LIMK1: variants seen among roughly 807,000 people sequenced by gnomAD.
LIMK1 encodes the protein LIM motif-containing protein kinase.
In LIMK1, 21 loss-of-function variants were observed where a neutral mutation model predicts 77.6. The observed-to-expected ratio is 0.27, with a 90% CI of 0.19 to 0.39. The LOEUF (loss-of-function observed/expected upper bound fraction) is 0.39, where lower values mean the gene tolerates loss of function less well. Among genes scored for constraint, LIMK1 ranks in the 10% least tolerant of loss-of-function variants. The pLI, the probability that LIMK1 is intolerant of heterozygous loss-of-function variation, is 1.00. For missense variants in LIMK1, 696 were observed against 901.6 expected, an observed-to-expected ratio of 0.77 and a Z score of 2.92; for synonymous variants, 358 against 370.0, an observed-to-expected ratio of 0.97 and a Z score of 0.37.
At chr7:74,111,889 C>A in intron 11 of LIMK1, 44 bp from the exon 12 acceptor site, 4 of 1,557,814 alleles carry the variant, frequency 2.6e-6, no homozygotes, top group African/African-American at 2.7e-5. Context: ...GGGCTGGGGT[C>A]CCTCTGCACA....
chr7:74,119,685 A>T (rs540406602), intron 13 of LIMK1, among the ~76,000 whole-genome samples: 1 of 151,622 alleles, frequency 6.6e-6, no homozygotes, highest in East Asian at 2.0e-4. Flanking sequence ...AGGCGGGCAG[A>T]TCACTGGAGG....
At chr7:74,113,171 C>T (rs925244952) in intron 12 of LIMK1, among the ~76,000 whole-genome samples, 2 of 151,564 alleles carry the variant, frequency 1.3e-5, no homozygotes, top group Admixed American at 6.6e-5. Context: ...AAATACAAAA[C>T]GGAATAGCCA....
At chr7:74,119,459 G>A (rs148357894) in intron 13 of LIMK1, among the ~76,000 whole-genome samples, 1 of 151,670 alleles carries the variant, frequency 6.6e-6, no homozygotes, top group African/African-American at 2.4e-5. Flanking sequence ...GATTACAGGT[G>A]TGAACCACTG....
At position 74,120,643 on chromosome 7, in the gene LIMK1, G is replaced by A; in HGVS notation, c.1623+5G>A. The A allele has an allele frequency of 6.2e-7, 1 of 1,614,216 alleles. No homozygotes were observed. The highest frequency in any genetic ancestry group is 1.1e-5 in the South Asian group (1 of 91,090). Reference sequence around the variant, plus strand: ...TTTGGGATCGTCCTGTGCGAGGTAGGTCCAGGGTTGGGTAGCAGCGGTGTT... The same window carrying A: ...TTTGGGATCGTCCTGTGCGAGGTAGATCCAGGGTTGGGTAGCAGCGGTGTT... On this transcript the variant is annotated splice_donor_5th_base_variant and intron_variant, in intron 14 of 15. Transcript: ENST00000336180.
At position 74,096,537 on chromosome 7, in the gene LIMK1, CA is replaced by C; in HGVS notation, c.153-82del. ...AAAAGAAAACTTGTTCTAATTCTTA[CA>C]AAGGTGCCTGTAGCCGAGGCAGGGG... On this transcript the variant is annotated intron_variant, in intron 2 of 15. Coordinates refer to ENST00000336180, the MANE Select transcript of LIMK1 (RefSeq NM_002314.4). The C allele has an allele frequency of 4.5e-6, 7 of 1,551,738 alleles. No homozygotes were observed. In the South Asian group the frequency reaches 7.9e-5, roughly 18 times the overall value.
chr7:74,102,482 C>CTTTTTTTTTTTTTTTTTTTTTTTT (rs782517343), intron 5 of LIMK1, among the ~76,000 whole-genome samples: 8 of 25,662 alleles, frequency 3.1e-4, no homozygotes, highest in South Asian at 1.8e-3. Context: ...GAAGGACCTT[C>CTTTTTTTTTTTTTTTTTTTTTTTT]TCTTTTTTTT....
At chr7:74,105,036 A>G (rs142139878) in intron 5 of LIMK1, among the ~76,000 whole-genome samples, 10 of 152,038 alleles carry the variant, frequency 6.6e-5, no homozygotes, top group African/African-American at 2.4e-4. Flanking sequence ...ACTCACTGCA[A>G]CCTCCACCTC....
At chr7:74,111,129 G>C (rs1274920431) in intron 10 of LIMK1, 1 of 156,060 alleles carries the variant, frequency 6.4e-6, no homozygotes, top group East Asian at 1.9e-4. Flanking sequence ...CCAGCTACTT[G>C]GGAGGCTGAG....
In LIMK1 at chr7:74,101,063, G is replaced by A. The variant is rs560681829; in HGVS notation, c.608+1825G>A. Reference sequence around the variant, plus strand: ...TACCAAGTGCTAGCTTTCATTTGACGCAGTGAATGTTTCTTGTACACCTGG... The same window carrying A: ...TACCAAGTGCTAGCTTTCATTTGACACAGTGAATGTTTCTTGTACACCTGG... On this transcript the variant is annotated intron_variant, in intron 5 of 15. Coordinates refer to ENST00000336180, the MANE Select transcript of LIMK1 (RefSeq NM_002314.4). Among the ~76,000 whole-genome samples the A allele has an allele frequency of 5.3e-5, 8 of 152,222 alleles. No individual in the cohort carries two copies. In the South Asian group the frequency reaches 8.3e-4, roughly 16 times the overall value.
rs1554699364 is a variant in LIMK1 at position 74,115,839 on chromosome 7, G to A, written c.1448G>A (p.Arg483His). The A allele has an allele frequency of 1.9e-6, 3 of 1,614,136 alleles. No homozygotes were observed. The highest frequency in any genetic ancestry group is 1.1e-5 in the South Asian group (1 of 91,088). The change falls in exon 13 of 16, where the codon CGT becomes CAT. Residue 483 changes from arginine (R) to histidine (H), a missense_variant. By Grantham distance (29) the Arg-to-His change is conservative (BLOSUM62 0). Around this residue, in one of 3 missense-constraint regions of LIMK1, gnomAD observed 438 missense variants for 602.3 expected, o/e 0.73. Transcript: ENST00000336180. ...GTGGTGGCTGACTTCGGGCTGGCGC[G>A]TCTCATGGTGGACGAGAAGACTCAG... is the stretch of plus-strand genomic sequence containing the variant. ...NVVVADFGLARLMVDEKTQPE... is the reference protein window; with the variant it reads ...NVVVADFGLAHLMVDEKTQPE...
Position 74,121,014 on chromosome 7 carries a change from C to T in LIMK1, c.1746C>T (p.Ile582=). The part of the protein sequence containing the change: ...PPNCPPSFFP[I]TVRCCDLDPE... Reference sequence around the variant, plus strand: ...ACTGCCCCCCGAGCTTCTTCCCCATCACCGTGCGCTGTTGCGATCTGGACC... The same window carrying T: ...ACTGCCCCCCGAGCTTCTTCCCCATTACCGTGCGCTGTTGCGATCTGGACC... Residue 582 remains isoleucine, a synonymous_variant, in exon 15 of 16, where the codon ATC becomes ATT. Transcript: ENST00000336180. 2 of 1,607,460 alleles carry T rather than the reference C, an allele frequency of 1.2e-6. No individual in the cohort carries two copies. Among genetic ancestry groups the T allele is most frequent in the Non-Finnish European group, 1.7e-6 (2 of 1,176,942 alleles).
chr7:74,105,061 T>C (rs1220775582), intron 5 of LIMK1, among the ~76,000 whole-genome samples: 1 of 152,078 alleles, frequency 6.6e-6, no homozygotes, highest in African/African-American at 2.4e-5. Flanking sequence ...GTTCAAGCAA[T>C]TCCTGCCTCA....
At position 74,085,788 on chromosome 7, in the gene LIMK1, C is replaced by G. The variant is rs782173029; in HGVS notation, c.96C>G (p.Ile32Met). 6.4e-7 allele frequency: 1 copy of G among 1,564,512 alleles called. No individual in the cohort carries two copies. Residue 32 changes from isoleucine to methionine, a missense_variant, in exon 2 of 16, where the codon ATC (isoleucine) becomes ATG (methionine). By Grantham distance (10) the Ile-to-Met change is conservative. This residue lies in a region of LIMK1 where 252 missense variants were observed against 279.4 expected (regional missense o/e 0.90). Transcript: ENST00000336180. ...TGTGTGCAAGCTGCGGCCAGAGGAT[C>G]TATGATGGCCAGTACCTCCAGGCCC... ...LPVCASCGQRIYDGQYLQALN... is the reference protein window; with the variant it reads ...LPVCASCGQRMYDGQYLQALN...
chr7:74,091,278 C>T (rs919912136), intron 2 of LIMK1, among the ~76,000 whole-genome samples: 3 of 152,056 alleles, frequency 2.0e-5, no homozygotes, highest in African/African-American at 7.2e-5. Context: ...AATCCCAGCA[C>T]TTTGGGAGGC....
intron 2 of LIMK1, among the ~76,000 whole-genome samples, chr7:74,089,041 C>T (rs1799189688): frequency 6.6e-6 from 1 of 152,148 alleles, no homozygotes; most frequent in Admixed American, 6.6e-5. Flanking sequence ...TATTGGCTAC[C>T]ATGCATTGAG....
rs887942799 is a variant in LIMK1, at chr7:74,122,249, C to T, written c.*948C>T. On this transcript the variant is annotated 3_prime_UTR_variant, in exon 16 of 16. Coordinates refer to ENST00000336180, the MANE Select transcript of LIMK1 (RefSeq NM_002314.4). The stretch of plus-strand genomic sequence containing the variant: ...GAAGAGTTTGTATTATTTTTTCATA[C>T]GGCTGCAGCAGCAGCTGCCAGGGGC... 1.3e-4 allele frequency: 17 copies of T among 132,506 alleles called. No individual in the cohort carries two copies. The highest frequency in any genetic ancestry group is 1.4e-4 in the Non-Finnish European group (9 of 63,502). 8.2% of individuals were successfully genotyped at this position (132,506 alleles called of 1,614,324 possible).
At chr7:74,108,271 G>T (rs1554697985) in intron 9 of LIMK1, among the ~76,000 whole-genome samples, 1 of 151,758 alleles carries the variant, frequency 6.6e-6, no homozygotes, top group Admixed American at 6.6e-5. Flanking sequence ...CCAGGAGTTG[G>T]AGGCTGCAAT....
chr7:74,120,779 G>A (rs1799918546), intron 14 of LIMK1, 113 bp from the exon 15 acceptor site: 5 of 1,543,242 alleles, frequency 3.2e-6, no homozygotes, highest in African/African-American at 2.7e-5. Flanking sequence ...ATGGGGTACT[G>A]CAGTCAGGCT....
chr7:74,093,369 G>A lies in LIMK1; in HGVS notation c.153-3253G>A, dbSNP rs556799975. On this transcript the variant is annotated intron_variant, in intron 2 of 15. Transcript: ENST00000336180. The stretch of plus-strand genomic sequence containing the variant: ...GGCCCCTGGTGTAAGGCCTGGGGCT[G>A]GAAGCCGACCCACCTAGGTCCAGGC... 40 of 1,515,776 alleles carry A rather than the reference G, an allele frequency of 2.6e-5. No homozygotes were observed. The African/African-American group carries it at 5.0e-4, about 19-fold the overall frequency. The allele number at this position is 1,515,776 out of a possible 1,614,324, so 93.9% of individuals were successfully genotyped here. A position where few individuals can be genotyped will look rare whatever the true frequency, so the allele number is the denominator to read the frequency against.
Sources: allele counts gnomAD v4.1 joint callset (sites outside exome capture counted in the v4.1 genomes callset), GRCh38; gene constraint gnomAD v4.1.1; regional missense constraint gnomAD v4.1.1; transcripts MANE v1.5; gene names NCBI Gene and HGNC (gene_info 2026-07-23, HGNC 2026-07-21).